The following APC variants were observed in gnomAD, a reference collection of about 807,000 sequenced individuals.
APC encodes adenomatous polyposis coli protein.
In APC, 72 loss-of-function variants were observed where a neutral mutation model predicts 247.0. The observed-to-expected ratio is 0.29, with a 90% CI of 0.24 to 0.35. The LOEUF is 0.35. Among genes scored for constraint, APC ranks in the 10% least tolerant of loss-of-function variants. The pLI, the probability that APC is intolerant of heterozygous loss-of-function variation, is 1.00. For synonymous variants in APC, 1,254 were observed against 1,162.5 expected (o/e 1.08, Z -1.60); for missense variants, 3,400 against 3,360.7 (o/e 1.01, Z -0.29).
intron 9 of APC, 72 bp from the exon 10 acceptor site, chr5:112,818,894 C>A (rs2149777850): frequency 2.4e-6 from 3 of 1,239,468 alleles, no homozygotes; most frequent in Non-Finnish European, 3.4e-6. Context: ...ATATCCCATT[C>A]ATCACTTAAT....
intron 1 of APC, among the ~76,000 whole-genome samples, chr5:112,728,940 C>G (rs1248369810): frequency 1.3e-5 from 2 of 152,122 alleles, no homozygotes; most frequent in East Asian, 1.9e-4. Context: ...ACCTAACACA[C>G]AATATTGAAA....
At chr5:112,747,213 G>A (rs1481372320) in intron 1 of APC, among the ~76,000 whole-genome samples, 1 of 149,280 alleles carries the variant, frequency 6.7e-6, no homozygotes, top group African/African-American at 2.5e-5. Flanking sequence ...TGATGTGAAA[G>A]ATACAGAGGC....
chr5:112,717,041 C>T (rs184542926), intron 1 of APC, among the ~76,000 whole-genome samples: 16 of 152,206 alleles, frequency 1.1e-4, no homozygotes, highest in East Asian at 5.8e-4. Context: ...GACAGGGTCT[C>T]GCTGTGTTGC....
chr5:112,827,285 G>A (rs757871825), intron 12 of APC, 38 bp downstream of exon 12: 2 of 1,608,880 alleles, frequency 1.2e-6, no homozygotes, highest in Non-Finnish European at 8.5e-7. Context: ...AGATAGCTCA[G>A]GTATGAGTTA....
chr5:112,752,982 G>A (rs935517478), intron 1 of APC, among the ~76,000 whole-genome samples: 1 of 152,072 alleles, frequency 6.6e-6, no homozygotes, highest in African/African-American at 2.4e-5. Flanking sequence ...TCTTTTTGTG[G>A]TTGTGTAAGG....
intron 1 of APC, among the ~76,000 whole-genome samples, chr5:112,731,260 A>G (rs1015518135): frequency 1.3e-5 from 2 of 152,160 alleles, no homozygotes; most frequent in African/African-American, 2.4e-5. Context: ...TTGCTTGAGT[A>G]TAAGAATTGC....
chr5:112,834,349 C>T (rs1197846875), intron 14 of APC, among the ~76,000 whole-genome samples: 1 of 150,098 alleles, frequency 6.7e-6, no homozygotes, highest in Non-Finnish European at 1.5e-5. Context: ...TCAAGCGATT[C>T]TCCCACCTCA....
intron 5 of APC, 106 bp from the exon 6 acceptor site, chr5:112,780,684 C>T (rs1370996431): frequency 5.2e-6 from 4 of 768,448 alleles, no homozygotes; most frequent in South Asian, 1.5e-5. Context: ...CCATGACTGA[C>T]GTATTTGCTT....
chr5:112,831,262 C>G (rs1329822108), intron 14 of APC, among the ~76,000 whole-genome samples: 1 of 152,172 alleles, frequency 6.6e-6, no homozygotes. Flanking sequence ...GCATGCGCCA[C>G]CATGCCCAGC....
chr5:112,744,550 G>A (rs1056024491), intron 1 of APC, among the ~76,000 whole-genome samples: 1 of 152,180 alleles, frequency 6.6e-6, no homozygotes, highest in Non-Finnish European at 1.5e-5. Context: ...TTACTGTTCA[G>A]CCAGCAGGAA....
intron 8 of APC, among the ~76,000 whole-genome samples, chr5:112,810,780 A>G (rs1761906812): frequency 6.6e-6 from 1 of 152,218 alleles, no homozygotes; most frequent in East Asian, 1.9e-4. Context: ...TGGATTTGCT[A>G]GTCATTTCAA....
At chr5:112,733,120 C>CG (rs1752179210), upstream of APC, among the ~76,000 whole-genome samples, 1 of 152,016 alleles carries the variant, frequency 6.6e-6, no homozygotes, top group South Asian at 2.1e-4. Context: ...AGTAGAGTAG[C>CG]GAAGAGCTAT....
intron 1 of APC, among the ~76,000 whole-genome samples, chr5:112,730,431 C>T (rs1033258168): frequency 6.6e-6 from 1 of 152,220 alleles, no homozygotes; most frequent in Non-Finnish European, 1.5e-5. Flanking sequence ...GGCGGACTGC[C>T]ATTTCACTGT....
chr5:112,828,591 G>T (rs1273593675), intron 13 of APC, among the ~76,000 whole-genome samples: 1 of 151,852 alleles, frequency 6.6e-6, no homozygotes, highest in Non-Finnish European at 1.5e-5. Context: ...ACTACTGCAG[G>T]CGCATGCCAC....
At chr5:112,761,867 C>T (rs1033075923) in intron 2 of APC, among the ~76,000 whole-genome samples, 7 of 152,040 alleles carry the variant, frequency 4.6e-5, no homozygotes, top group Non-Finnish European at 1.0e-4. Flanking sequence ...AAAGACTAAA[C>T]ATAAAAATGT....
At chr5:112,821,656 A>C (rs1329556672) in intron 10 of APC, among the ~76,000 whole-genome samples, 1 of 152,194 alleles carries the variant, frequency 6.6e-6, no homozygotes, top group African/African-American at 2.4e-5. Context: ...GACTTATTCT[A>C]AGAGACTTAG....
intron 11 of APC, among the ~76,000 whole-genome samples, chr5:112,825,336 A>G (rs1580556066): frequency 6.6e-6 from 1 of 152,216 alleles, no homozygotes; most frequent in Non-Finnish European, 1.5e-5. Context: ...CACTGAAACC[A>G]TAGTAATCTG....
At chr5:112,738,974 A>G (rs1272847413) in intron 1 of APC, among the ~76,000 whole-genome samples, 2 of 152,230 alleles carry the variant, frequency 1.3e-5, no homozygotes, top group Non-Finnish European at 2.9e-5. Flanking sequence ...TAGGTCATTC[A>G]AGAGCAAACC....
intron 15 of APC, among the ~76,000 whole-genome samples, chr5:112,836,009 CTTTTTTTTTTTTTTTTTT>C (rs371484714): frequency 9.4e-6 from 1 of 106,340 alleles, no homozygotes; most frequent in Non-Finnish European, 1.8e-5. Context: ...ATACAACTGT[CTTTTTTTTTTTTTTTTTT>C]TTTTTTTTCT....
Sources: allele counts gnomAD v4.1 joint callset (sites outside exome capture counted in the v4.1 genomes callset), GRCh38; gene constraint gnomAD v4.1.1; transcripts MANE v1.5; gene names NCBI Gene and HGNC (gene_info 2026-07-23, HGNC 2026-07-21).